Variants in FBXW7 observed in about 807,000 individuals in gnomAD.
The protein encoded by FBXW7 is F-box and WD repeat domain containing 7.
A neutral mutation model predicts 86.3 loss-of-function variants in FBXW7; 11 were observed. The observed-to-expected ratio is 0.13, with a 90% CI of 0.08 to 0.21. The LOEUF (loss-of-function observed/expected upper bound fraction) is 0.21. Among genes scored for constraint, FBXW7 ranks in the 10% least tolerant of loss-of-function variants. The pLI is 1.00. For synonymous variants in FBXW7, 313 were observed against 297.9 expected (o/e 1.05, Z -0.52); for missense variants, 488 against 847.4 (o/e 0.58, Z 5.27).
chr4:152,336,460 G>A (rs1730121747), intron 7 of FBXW7, among the ~76,000 whole-genome samples: 4 of 152,036 alleles, frequency 2.6e-5, no homozygotes, highest in Admixed American at 2.6e-4. Context: ...GAGAAAGCCT[G>A]CATTTTAACA....
intron 2 of FBXW7, among the ~76,000 whole-genome samples, chr4:152,487,913 T>C (rs1318038837): frequency 6.6e-6 from 1 of 152,082 alleles, no homozygotes; most frequent in East Asian, 1.9e-4. Flanking sequence ...CAGTGGTTCC[T>C]ATTTTAATCT....
intron 2 of FBXW7, among the ~76,000 whole-genome samples, chr4:152,528,972 A>G (rs527767610): frequency 1.4e-4 from 22 of 152,026 alleles, no homozygotes; most frequent in Non-Finnish European, 3.2e-4. Flanking sequence ...ATTTTCCCCC[A>G]TTATACTTAA....
chr4:152,471,952 G>A (rs1208341680), intron 2 of FBXW7, among the ~76,000 whole-genome samples: 1 of 151,876 alleles, frequency 6.6e-6, no homozygotes, highest in Non-Finnish European at 1.5e-5. Context: ...GCAAGCTACA[G>A]TGTAGGAGAA....
intron 2 of FBXW7, among the ~76,000 whole-genome samples, chr4:152,507,302 G>A (rs1747517195): frequency 6.6e-6 from 1 of 151,992 alleles, no homozygotes; most frequent in Non-Finnish European, 1.5e-5. Context: ...AAATAAATGA[G>A]AAATGTAAAC....
At chr4:152,375,083 GA>G (rs1264219034) in intron 4 of FBXW7, among the ~76,000 whole-genome samples, 2 of 151,832 alleles carry the variant, frequency 1.3e-5, no homozygotes, top group African/African-American at 2.4e-5. Context: ...AGCTAGACTA[GA>G]ATTTTTTTTT....
At chr4:152,376,441 A>T (rs2126758731) in intron 4 of FBXW7, among the ~76,000 whole-genome samples, 1 of 152,300 alleles carries the variant, frequency 6.6e-6, no homozygotes, top group Non-Finnish European at 1.5e-5. Flanking sequence ...TAAGCCTAGC[A>T]GACCTTGCTG....
chr4:152,403,385 G>A (rs1579103661), intron 4 of FBXW7, among the ~76,000 whole-genome samples: 1 of 151,886 alleles, frequency 6.6e-6, no homozygotes, highest in African/African-American at 2.4e-5. Context: ...GGCTGAGGCA[G>A]GATAATCGCT....
intron 2 of FBXW7, among the ~76,000 whole-genome samples, chr4:152,477,472 T>C (rs980501082): frequency 3.3e-5 from 5 of 152,054 alleles, no homozygotes; most frequent in Non-Finnish European, 5.9e-5. Context: ...TCAATCCAAT[T>C]GCAGCATCAT....
chr4:152,466,799 A>G (rs181516630), intron 2 of FBXW7, among the ~76,000 whole-genome samples: 2,076 of 151,818 alleles, frequency 0.014, 25 homozygotes, highest in Middle Eastern at 0.037. Flanking sequence ...AAAATTAGCC[A>G]GGCGCGGTGG....
At chr4:152,324,641 A>G (rs1298227334) in intron 12 of FBXW7, 1 of 413,410 alleles carries the variant, frequency 2.4e-6, no homozygotes, top group East Asian at 4.0e-5. Flanking sequence ...CTAGATGCAG[A>G]AACAACTTAA....
At chr4:152,445,632 G>A (rs1161802289) in intron 2 of FBXW7, among the ~76,000 whole-genome samples, 1 of 152,052 alleles carries the variant, frequency 6.6e-6, no homozygotes, top group East Asian at 1.9e-4. Context: ...TACAGGCCAG[G>A]CACAGTGGCT....
intron 4 of FBXW7, among the ~76,000 whole-genome samples, chr4:152,359,427 C>T (rs906197377): frequency 6.6e-6 from 1 of 151,778 alleles, no homozygotes; most frequent in African/African-American, 2.4e-5. Flanking sequence ...ATAGCAAGAC[C>T]CCATTTCTAT....
intron 2 of FBXW7, among the ~76,000 whole-genome samples, chr4:152,445,829 G>T (rs1741319782): frequency 1.4e-5 from 2 of 145,534 alleles, no homozygotes; most frequent in Admixed American, 1.4e-4. Context: ...ATAATCACTT[G>T]AACCTAGGAG....
chr4:152,418,162 C>A (rs1026316186), intron 2 of FBXW7, among the ~76,000 whole-genome samples: 17 of 150,902 alleles, frequency 1.1e-4, no homozygotes, highest in Middle Eastern at 3.4e-3. Flanking sequence ...CACACACACA[C>A]AAAATCCACT....
intron 4 of FBXW7, among the ~76,000 whole-genome samples, chr4:152,374,397 TTAAG>T (rs1238817302): frequency 6.6e-6 from 1 of 152,094 alleles, no homozygotes; most frequent in African/African-American, 2.4e-5. Flanking sequence ...ACTTTTAAAA[TTAAG>T]TGTCAAACTG....
intron 9 of FBXW7, 38 bp from the exon 10 acceptor site, chr4:152,329,823 A>G: frequency 8.3e-7 from 1 of 1,208,982 alleles, no homozygotes; most frequent in Non-Finnish European, 1.1e-6. Context: ...TATGTTAATT[A>G]AATTATGTTC....
At chr4:152,486,924 A>G (rs746839465) in intron 2 of FBXW7, among the ~76,000 whole-genome samples, 1 of 152,182 alleles carries the variant, frequency 6.6e-6, no homozygotes, top group South Asian at 2.1e-4. Context: ...CTAACATGTT[A>G]TAACAGCTAC....
intron 2 of FBXW7, among the ~76,000 whole-genome samples, chr4:152,444,382 A>G (rs1262241569): frequency 6.6e-6 from 1 of 151,796 alleles, no homozygotes; most frequent in African/African-American, 2.4e-5. Context: ...GTTTTTCACC[A>G]TTATAGATGA....
chr4:152,371,234 T>C (rs1226774544), intron 4 of FBXW7, among the ~76,000 whole-genome samples: 1 of 151,940 alleles, frequency 6.6e-6, no homozygotes, highest in East Asian at 1.9e-4. Flanking sequence ...ATTATATAAC[T>C]AATTTATATG....
Sources: gnomAD v4.1 joint callset for allele counts (sites outside exome capture counted in the v4.1 genomes callset) on GRCh38, gnomAD v4.1.1 for gene constraint, MANE v1.5 for transcripts, NCBI Gene and HGNC (gene_info 2026-07-23, HGNC 2026-07-21) for gene names.